The following FAM107B variants were observed in gnomAD, a reference collection of about 807,000 sequenced individuals.
The protein encoded by FAM107B is family with sequence similarity 107 member B.
FAM107B carries 21 observed loss-of-function variants against 31.5 expected under a neutral mutation model. The ratio of observed to expected loss-of-function variants is 0.67; its 90% CI spans 0.47 to 0.96. FAM107B has a LOEUF of 0.96. FAM107B is among the 40% of genes least tolerant of loss of function. The pLI, the probability that FAM107B is intolerant of heterozygous loss-of-function variation, is 0.00. For synonymous variants in FAM107B, 157 were observed against 141.5 expected, an observed-to-expected ratio of 1.11 and a Z score of -0.78; for missense variants, 452 against 377.1, an observed-to-expected ratio of 1.20 and a Z score of -1.64.
chr10:14,603,873 G>C (rs1417994905), intron 2 of FAM107B, among the ~76,000 whole-genome samples: 2 of 151,426 alleles, frequency 1.3e-5, no homozygotes, highest in Non-Finnish European at 3.0e-5. Flanking sequence ...CGCCGAGGGC[G>C]GGCATACGGC....
At chr10:14,755,413 T>C (rs1832908452) in intron 1 of FAM107B, among the ~76,000 whole-genome samples, 1 of 150,932 alleles carries the variant, frequency 6.6e-6, no homozygotes, top group Non-Finnish European at 1.5e-5. Flanking sequence ...TGATGGTGGG[T>C]GCCTGTAATC....
chr10:14,765,958 G>A (rs1274514138), intron 1 of FAM107B, among the ~76,000 whole-genome samples: 2 of 152,192 alleles, frequency 1.3e-5, no homozygotes, highest in Non-Finnish European at 2.9e-5. Context: ...GTGCAGGTAG[G>A]ATGATGGGTG....
intron 2 of FAM107B, among the ~76,000 whole-genome samples, chr10:14,604,839 CTT>C (rs905795864): frequency 7.3e-5 from 11 of 150,900 alleles, no homozygotes; most frequent in African/African-American, 2.7e-4. Flanking sequence ...CATTGTCTCT[CTT>C]TCTCTCATTC....
intron 1 of FAM107B, among the ~76,000 whole-genome samples, chr10:14,769,860 T>C (rs569642372): frequency 6.6e-6 from 1 of 152,220 alleles, no homozygotes; most frequent in Non-Finnish European, 1.5e-5. Context: ...AGTTGCTTAG[T>C]GTGTGAACTC....
intron 2 of FAM107B, among the ~76,000 whole-genome samples, chr10:14,574,762 C>G (rs1305817522): frequency 6.6e-6 from 1 of 152,168 alleles, no homozygotes; most frequent in African/African-American, 2.4e-5. Context: ...TACATTCACA[C>G]TTTTCCCCAA....
chr10:14,558,589 G>T (rs1203973987), intron 2 of FAM107B, among the ~76,000 whole-genome samples: 1 of 53,374 alleles, frequency 1.9e-5, no homozygotes, highest in African/African-American at 4.5e-5. Context: ...ACCTGATCTT[G>T]ATTTTTTTTT....
chr10:14,532,947 A>G (rs895084025), intron 2 of FAM107B, among the ~76,000 whole-genome samples: 3 of 152,126 alleles, frequency 2.0e-5, no homozygotes, highest in African/African-American at 4.8e-5. Flanking sequence ...CAAAGGCCAC[A>G]GGGTAGGAGG....
chr10:14,691,661 A>G (rs1037844156), intron 1 of FAM107B, among the ~76,000 whole-genome samples: 1 of 152,120 alleles, frequency 6.6e-6, no homozygotes, highest in African/African-American at 2.4e-5. Flanking sequence ...TGGGAGGCCA[A>G]GGCGGTTGGA....
intron 2 of FAM107B, among the ~76,000 whole-genome samples, chr10:14,649,006 G>T (rs141443094): frequency 6.6e-6 from 1 of 152,164 alleles, no homozygotes; most frequent in Non-Finnish European, 1.5e-5. Flanking sequence ...GGTTTCATTC[G>T]TAAGCCAAAT....
At chr10:14,710,507 C>T (rs1221771301) in intron 1 of FAM107B, among the ~76,000 whole-genome samples, 1 of 150,926 alleles carries the variant, frequency 6.6e-6, no homozygotes, top group African/African-American at 2.4e-5. Flanking sequence ...ATGCTTAGGC[C>T]CTACCCCAGA....
intron 2 of FAM107B, among the ~76,000 whole-genome samples, chr10:14,541,946 T>A (rs1848244339): frequency 6.6e-6 from 1 of 152,126 alleles, no homozygotes; most frequent in Non-Finnish European, 1.5e-5. Flanking sequence ...TGTCACACTG[T>A]GTGCACCGTA....
intron 2 of FAM107B, among the ~76,000 whole-genome samples, chr10:14,531,115 A>G (rs977255574): frequency 6.6e-6 from 1 of 152,214 alleles, no homozygotes; most frequent in South Asian, 2.1e-4. Context: ...CTGCATATTT[A>G]CCTTATTTAT....
chr10:14,661,417 A>T (rs907095732), intron 2 of FAM107B: 6 of 152,124 alleles, frequency 3.9e-5, no homozygotes, highest in African/African-American at 1.4e-4. Context: ...CCATTACCCA[A>T]TCTGTGGAGG....
chr10:14,658,854 A>T (rs757187872), intron 2 of FAM107B, among the ~76,000 whole-genome samples: 8 of 152,336 alleles, frequency 5.3e-5, no homozygotes, highest in Non-Finnish European at 1.2e-4. Flanking sequence ...TGCCTTCATG[A>T]TGCTTACCTT....
intron 2 of FAM107B, among the ~76,000 whole-genome samples, chr10:14,562,925 T>C (rs1204718085): frequency 6.6e-6 from 1 of 152,234 alleles, no homozygotes; most frequent in East Asian, 1.9e-4. Context: ...GAAATAGAAC[T>C]TGCCTGAGCT....
chr10:14,554,398 A>G (rs1588568491), intron 2 of FAM107B, among the ~76,000 whole-genome samples: 1 of 152,224 alleles, frequency 6.6e-6, no homozygotes, highest in South Asian at 2.1e-4. Context: ...TCAGAGAGTC[A>G]TAAGGGCCGG....
chr10:14,523,109 C>T (rs1845842145), intron 3 of FAM107B, among the ~76,000 whole-genome samples: 1 of 152,222 alleles, frequency 6.6e-6, no homozygotes, highest in African/African-American at 2.4e-5. Context: ...CATGTCTTAG[C>T]ATTTTCTCTA....
chr10:14,532,895 G>A (rs750498022), intron 2 of FAM107B, among the ~76,000 whole-genome samples: 2 of 152,214 alleles, frequency 1.3e-5, no homozygotes, highest in Non-Finnish European at 2.9e-5. Flanking sequence ...GAGGGAATGT[G>A]ACAGAAGAGC....
chr10:14,628,985 AT>A (rs1332237002), intron 2 of FAM107B, among the ~76,000 whole-genome samples: 5 of 151,710 alleles, frequency 3.3e-5, no homozygotes, highest in African/African-American at 1.2e-4. Context: ...GAGAATTAAA[AT>A]TTACATAAAT....
Sources: allele counts gnomAD v4.1 joint callset (sites outside exome capture counted in the v4.1 genomes callset), GRCh38; gene constraint gnomAD v4.1.1; transcripts MANE v1.5; gene names NCBI Gene and HGNC (gene_info 2026-07-23, HGNC 2026-07-21).